FBLN1: variants seen among roughly 807,000 people sequenced by gnomAD.
The protein encoded by FBLN1 is fibulin 1.
A neutral mutation model predicts 89.7 loss-of-function variants in FBLN1; 34 were observed. That is an observed-to-expected ratio of 0.38 (90% confidence interval 0.29 to 0.50). The LOEUF (loss-of-function observed/expected upper bound fraction) is 0.50. Ranked by LOEUF, FBLN1 falls within the 20% of genes least tolerant of loss-of-function variation. FBLN1 has a pLI of 0.92. For missense variants in FBLN1, 777 were observed against 988.1 expected, an observed-to-expected ratio of 0.79 and a Z score of 2.86; for synonymous variants, 393 against 391.3, an observed-to-expected ratio of 1.00 and a Z score of -0.05.
At chr22:45,509,212 G>C (rs1197755737) in intron 1 of FBLN1, among the ~76,000 whole-genome samples, 1 of 152,190 alleles carries the variant, frequency 6.6e-6, no homozygotes, top group Non-Finnish European at 1.5e-5. Flanking sequence ...CCTTGGAGCA[G>C]GGTGGGATGT....
chr22:45,598,309 T>G (rs3788673), intron 16 of FBLN1, among the ~76,000 whole-genome samples: 44,586 of 152,190 alleles, frequency 0.29, 9,531 homozygotes, highest in African/African-American at 0.61. Context: ...ACCGGAAATT[T>G]GCCATAGAAA....
At position 45,572,871 on chromosome 22, in the gene FBLN1, T is replaced by G. The variant is rs1299979990; in HGVS notation, c.1698-1640T>G. On this transcript the variant is annotated intron_variant, in intron 14 of 16. Coordinates refer to ENST00000327858, the MANE Select transcript of FBLN1 (RefSeq NM_006486.3). The surrounding 1 kb of genome is among the most constrained non-coding windows in gnomAD (Gnocchi z 5.8). Reference sequence around the variant, plus strand: ...CACCGTGAGGATGCAATCAGCAAAGTCCAGCCTGTAGGAAACACAACAGCT... The same window carrying G: ...CACCGTGAGGATGCAATCAGCAAAGGCCAGCCTGTAGGAAACACAACAGCT... 6.6e-6 allele frequency among the ~76,000 whole-genome samples: 1 copy of G among 152,238 alleles called. No individual in the cohort carries two copies. The highest frequency in any genetic ancestry group is 1.5e-5 in the Non-Finnish European group (1 of 68,040).
At chr22:45,594,319 T>C (rs2146667574) in intron 16 of FBLN1, among the ~76,000 whole-genome samples, 1 of 152,294 alleles carries the variant, frequency 6.6e-6, no homozygotes, top group Admixed American at 6.5e-5. Flanking sequence ...TCTCTGAGAC[T>C]GACGAAGTGA....
At chr22:45,515,752 A>G (rs1414966087) in intron 1 of FBLN1, among the ~76,000 whole-genome samples, 1 of 152,196 alleles carries the variant, frequency 6.6e-6, no homozygotes, top group African/African-American at 2.4e-5. Flanking sequence ...AACTTTATAA[A>G]GTGCATCCCT....
At chr22:45,593,746 G>T (rs2089159242) in intron 16 of FBLN1, among the ~76,000 whole-genome samples, 1 of 152,192 alleles carries the variant, frequency 6.6e-6, no homozygotes. Flanking sequence ...ACAAAGTGTT[G>T]TCTTCGTTCC....
rs569735916 is a variant in FBLN1, at chr22:45,584,617, A to T, written c.1972+7509A>T. On this transcript the variant is annotated intron_variant, in intron 16 of 16. Coordinates refer to ENST00000327858, the MANE Select transcript of FBLN1 (RefSeq NM_006486.3). ...ATAATAATATTTGCCCTGCAGGGTAATAGGGACTGAGGTGTGTGCCTGTTT... is the reference window on the plus strand; with the variant it reads ...ATAATAATATTTGCCCTGCAGGGTATTAGGGACTGAGGTGTGTGCCTGTTT... Among the ~76,000 whole-genome samples the T allele has an allele frequency of 2.0e-5, 3 of 152,300 alleles. No individual in the cohort carries two copies. In the East Asian group the frequency reaches 5.8e-4, roughly 29 times the overall value.
rs1030059250 is a variant in FBLN1 at position 45,530,612 on chromosome 22, G to A, written c.485-653G>A. Among the ~76,000 whole-genome samples the A allele has an allele frequency of 5.3e-5, 8 of 152,136 alleles. No homozygotes were observed. Among genetic ancestry groups the A allele is most frequent in the African/African-American group, 1.2e-4 (5 of 41,416 alleles). On this transcript the variant is annotated intron_variant, in intron 4 of 16. Transcript: ENST00000327858. The surrounding 1 kb of genome is among the most constrained non-coding windows in gnomAD (Gnocchi z 5.4). ...ATCAGGAGACTCAAGTTTTTACTGC[G>A]TGCATTGCTTTAGACTTGGAGGGCG...
chr22:45,514,615 G>A (rs1397146232), intron 1 of FBLN1, among the ~76,000 whole-genome samples: 1 of 152,212 alleles, frequency 6.6e-6, no homozygotes, highest in Non-Finnish European at 1.5e-5. Flanking sequence ...GGAGGAGGAG[G>A]CTTGTTTGTG....
rs1042190142 is a variant in FBLN1, at chr22:45,557,449, A to G, written c.1697+6834A>G. Reference sequence around the variant, plus strand: ...CGAGGGCTCAGTGTTGGTCTCTGCTACTGGCGAATTGGGTACTCAGCAGTG... The same window carrying G: ...CGAGGGCTCAGTGTTGGTCTCTGCTGCTGGCGAATTGGGTACTCAGCAGTG... On this transcript the variant is annotated intron_variant, in intron 14 of 16. Transcript: ENST00000327858. The surrounding 1 kb of genome is among the most constrained non-coding windows in gnomAD (Gnocchi z 4.9). Among the ~76,000 whole-genome samples the G allele has an allele frequency of 1.3e-5, 2 of 152,146 alleles. No individual in the cohort carries two copies. Among genetic ancestry groups the G allele is most frequent in the East Asian group, 1.9e-4 (1 of 5,188 alleles).
chr22:45,573,180 T>G (rs1262207581), intron 14 of FBLN1, among the ~76,000 whole-genome samples: 1 of 151,376 alleles, frequency 6.6e-6, no homozygotes, highest in Non-Finnish European at 1.5e-5. Context: ...GAGCTGAGAT[T>G]GCGCCATTGT....
In FBLN1 at chr22:45,532,921, C is replaced by T; in HGVS notation, c.545-142C>T. The T allele has an allele frequency of 1.4e-6, 1 of 718,294 alleles. No individual in the cohort carries two copies. The highest frequency in any genetic ancestry group is 2.4e-6 in the Non-Finnish European group (1 of 411,902). 44.5% of individuals were successfully genotyped at this position (718,294 alleles called of 1,614,324 possible). A position where few individuals can be genotyped will look rare whatever the true frequency, so the allele number is the denominator to read the frequency against. On this transcript the variant is annotated intron_variant, in intron 5 of 16. Transcript: ENST00000327858. This position sits in a 1 kb window ranked among gnomAD's most constrained non-coding sequence, Gnocchi z 4.2. Reference sequence around the variant, plus strand: ...GCCTGGGGGTCTCCCAGTAGGGCAGCAGGTGGGCTCCAGCCAGGTCAGCCT... The same window carrying T: ...GCCTGGGGGTCTCCCAGTAGGGCAGTAGGTGGGCTCCAGCCAGGTCAGCCT...
chr22:45,592,239 C>T (rs2089144505), intron 16 of FBLN1, among the ~76,000 whole-genome samples: 1 of 152,244 alleles, frequency 6.6e-6, no homozygotes, highest in Non-Finnish European at 1.5e-5. Context: ...TCTGTCTCCA[C>T]CCATGTCTCC....
At position 45,564,001 on chromosome 22, in the gene FBLN1, C is replaced by T. The variant is rs575078071; in HGVS notation, c.1698-10510C>T. Among the ~76,000 whole-genome samples the T allele has an allele frequency of 9.2e-5, 14 of 152,342 alleles. No individual in the cohort carries two copies. In the South Asian group the frequency reaches 2.5e-3, roughly 27 times the overall value. ...GGGGGAGGCAAAGGACCACACAATACATGTGATACTCACGGGATCCTTCAT... is the reference window on the plus strand; with the variant it reads ...GGGGGAGGCAAAGGACCACACAATATATGTGATACTCACGGGATCCTTCAT... On this transcript the variant is annotated intron_variant, in intron 14 of 16. Transcript: ENST00000327858.
intron 1 of FBLN1, among the ~76,000 whole-genome samples, chr22:45,509,104 G>A (rs1419130650): frequency 1.6e-4 from 25 of 152,130 alleles, no homozygotes; most frequent in Admixed American, 1.6e-3. Flanking sequence ...AGCCTTTGAA[G>A]CTCCAGGTTC....
At chr22:45,568,449 GCTC>G (rs1425180736) in intron 14 of FBLN1, among the ~76,000 whole-genome samples, 8 of 150,504 alleles carry the variant, frequency 5.3e-5, no homozygotes, top group Admixed American at 5.3e-4. Context: ...GTAGGGGAGT[GCTC>G]CTTCTGTAGG....
chr22:45,563,106 C>G lies in FBLN1; in HGVS notation c.1698-11405C>G, dbSNP rs1423023249. The stretch of plus-strand genomic sequence containing the variant: ...GGCGGCAATGAGGAGGGCTTTTTCA[C>G]CACCCGGAAGGTGAGCCCCCACAGT... On this transcript the variant is annotated intron_variant, in intron 14 of 16. Coordinates refer to ENST00000327858, the MANE Select transcript of FBLN1 (RefSeq NM_006486.3). The surrounding 1 kb of genome is among the most constrained non-coding windows in gnomAD (Gnocchi z 5.7). The G allele has an allele frequency of 6.2e-7, 1 of 1,613,366 alleles. No individual in the cohort carries two copies. Among genetic ancestry groups the G allele is most frequent in the Admixed American group, 1.7e-5 (1 of 60,018 alleles).
intron 14 of FBLN1, among the ~76,000 whole-genome samples, chr22:45,569,509 T>C (rs5764789): frequency 1.3e-5 from 2 of 151,468 alleles, no homozygotes; most frequent in Non-Finnish European, 3.0e-5. Context: ...TGTGGTGGCA[T>C]GTGCCTGTAA....
chr22:45,560,576 C>T (rs1673743064), intron 14 of FBLN1, among the ~76,000 whole-genome samples: 1 of 152,204 alleles, frequency 6.6e-6, no homozygotes, highest in African/African-American at 2.4e-5. Context: ...CCTTTTTTAA[C>T]TCCCCGAGTT....
chr22:45,550,494 A>G lies in FBLN1; in HGVS notation c.1576A>G (p.Ile526Val). ...TGCTGCTGTGGGGTCTCTTGCAGAC[A>G]TTGATGAGTGTGTGACTGGCATCCA... ...LAPNGRNCQD[I>V]DECVTGIHNC... Residue 526 changes from isoleucine to valine, a missense_variant and splice_region_variant, in exon 14 of 17, where the codon ATT (isoleucine) becomes GTT (valine). By Grantham distance (29) the Ile-to-Val change is conservative. Coordinates refer to ENST00000327858, the MANE Select transcript of FBLN1 (RefSeq NM_006486.3). The surrounding 1 kb of genome is among the most constrained non-coding windows in gnomAD (Gnocchi z 8.4). 1 of 1,614,036 alleles carries G rather than the reference A, an allele frequency of 6.2e-7. No individual in the cohort carries two copies. Among genetic ancestry groups the G allele is most frequent in the Admixed American group, 1.7e-5 (1 of 60,024 alleles).
Sources: gnomAD v4.1 joint callset for allele counts (sites outside exome capture counted in the v4.1 genomes callset) on GRCh38, gnomAD v4.1.1 for gene constraint, Gnocchi (gnomAD v3.1) non-coding constraint, MANE v1.5 for transcripts, NCBI Gene and HGNC (gene_info 2026-07-23, HGNC 2026-07-21) for gene names.